Variants in ZNF407 observed in about 807,000 individuals in gnomAD.
ZNF407 encodes zinc finger protein 407.
Under a neutral mutation model 131.2 loss-of-function variants are expected in ZNF407, and 17 were observed. The ratio of observed to expected loss-of-function variants is 0.13; its 90% confidence interval spans 0.09 to 0.19. The LOEUF (loss-of-function observed/expected upper bound fraction) is 0.19, where lower values mean the gene tolerates loss of function less well. Ranked by LOEUF, ZNF407 falls within the 10% of genes least tolerant of loss-of-function variation. ZNF407 has a pLI of 1.00. For synonymous variants in ZNF407, 1,156 were observed against 1,062.0 expected, an observed-to-expected ratio of 1.09 and a Z score of -1.72; for missense variants, 2,681 against 2,830.6, an observed-to-expected ratio of 0.95 and a Z score of 1.20.
intron 3 of ZNF407, among the ~76,000 whole-genome samples, chr18:74,774,959 C>T (rs1052218291): frequency 3.9e-5 from 6 of 152,106 alleles, no homozygotes; most frequent in Non-Finnish European, 7.4e-5. Context: ...CATCCCAAAA[C>T]GTTAGTGGTG....
intron 1 of ZNF407, among the ~76,000 whole-genome samples, chr18:74,608,296 A>G (rs1908581144): frequency 6.6e-6 from 1 of 151,396 alleles, no homozygotes; most frequent in Non-Finnish European, 1.5e-5. Context: ...AGTATCCCAC[A>G]TTGTATTTTG....
At chr18:74,816,418 C>G (rs1270849583) in intron 4 of ZNF407, among the ~76,000 whole-genome samples, 1 of 152,194 alleles carries the variant, frequency 6.6e-6, no homozygotes, top group Non-Finnish European at 1.5e-5. Flanking sequence ...CCTGTCTACT[C>G]TTTATTTGTA....
chr18:75,029,092 A>C (rs1160389830), intron 8 of ZNF407, among the ~76,000 whole-genome samples: 2 of 152,188 alleles, frequency 1.3e-5, no homozygotes, highest in African/African-American at 2.4e-5. Context: ...CCCTTTTCTC[A>C]AAATGCACAT....
intron 8 of ZNF407, among the ~76,000 whole-genome samples, chr18:75,058,312 A>T (rs972776077): frequency 6.6e-6 from 1 of 152,158 alleles, no homozygotes; most frequent in Non-Finnish European, 1.5e-5. Context: ...TTTTTATTCC[A>T]TCCAAGCTGT....
chr18:75,045,705 C>T (rs1366931329), intron 8 of ZNF407, among the ~76,000 whole-genome samples: 1 of 152,134 alleles, frequency 6.6e-6, no homozygotes, highest in Non-Finnish European at 1.5e-5. Context: ...CACCCCGCAC[C>T]CTCTTCTTTT....
intron 7 of ZNF407, among the ~76,000 whole-genome samples, chr18:74,899,718 G>C (rs1422840614): frequency 6.6e-6 from 1 of 152,344 alleles, no homozygotes; most frequent in East Asian, 1.9e-4. Context: ...CTCCAGGAAA[G>C]AGAGGTGTCA....
intron 3 of ZNF407, among the ~76,000 whole-genome samples, chr18:74,669,890 A>C (rs1384539723): frequency 1.3e-5 from 2 of 152,240 alleles, no homozygotes; most frequent in Non-Finnish European, 2.9e-5. Flanking sequence ...TTTGAGGCTC[A>C]AACACAGTTT....
chr18:74,838,639 T>A (rs1970590325), intron 4 of ZNF407, among the ~76,000 whole-genome samples: 1 of 152,218 alleles, frequency 6.6e-6, no homozygotes, highest in Non-Finnish European at 1.5e-5. Flanking sequence ...AAGTTCTCTT[T>A]GCATTGCTTT....
chr18:75,051,735 T>A (rs1414239661), intron 8 of ZNF407, among the ~76,000 whole-genome samples: 1 of 152,178 alleles, frequency 6.6e-6, no homozygotes, highest in Non-Finnish European at 1.5e-5. Context: ...GCTCAAACAT[T>A]GTGTGTCGGG....
rs1190465150 is a variant in ZNF407, at chr18:74,610,297, C to CT, written c.-54+12364dup. ...TAGATGGATTGCCACATTAGCTTTA[C>CT]TTTTAACCATCCCCCATTGTTGGAT... is the stretch of plus-strand genomic sequence containing the variant. On this transcript the variant is annotated intron_variant, in intron 1 of 8. Transcript: ENST00000299687. Among the ~76,000 whole-genome samples the CT allele has an allele frequency of 2.6e-5, 4 of 152,314 alleles. No homozygotes were observed. In the East Asian group the frequency reaches 7.7e-4, roughly 29 times the overall value.
Position 74,816,694 on chromosome 18 carries a change from A to T in ZNF407, c.4877+35192A>T, listed in dbSNP as rs185534978. 1.6e-4 allele frequency among the ~76,000 whole-genome samples: 25 copies of T among 152,348 alleles called. No individual in the cohort carries two copies. The Middle Eastern group carries it at 0.014, about 83-fold the overall frequency. Reference sequence around the variant, plus strand: ...AATTGATATCCATAAAATTCAATACACAAAGTATTATTCTAATAAGTACCT... The same window carrying T: ...AATTGATATCCATAAAATTCAATACTCAAAGTATTATTCTAATAAGTACCT... On this transcript the variant is annotated intron_variant, in intron 4 of 8. Transcript: ENST00000299687.
At chr18:74,744,562 G>A (rs542845749) in intron 3 of ZNF407, among the ~76,000 whole-genome samples, 79 of 152,146 alleles carry the variant, frequency 5.2e-4, no homozygotes, top group African/African-American at 1.8e-3. Flanking sequence ...TTTAGACTTA[G>A]GAGTGATTTT....
intron 7 of ZNF407, among the ~76,000 whole-genome samples, chr18:74,891,883 G>A (rs896609822): frequency 1.3e-5 from 2 of 151,830 alleles, no homozygotes; most frequent in African/African-American, 4.8e-5. Flanking sequence ...TGTTGTTGGC[G>A]GGGGATTTTT....
intron 8 of ZNF407, among the ~76,000 whole-genome samples, chr18:74,937,237 A>G (rs1288053294): frequency 6.6e-6 from 1 of 152,218 alleles, no homozygotes; most frequent in Non-Finnish European, 1.5e-5. Context: ...TAGATAATTG[A>G]CCATATCATA....
Position 74,987,582 on chromosome 18 carries a change from A to G in ZNF407, c.5428+66890A>G, listed in dbSNP as rs2122129236. 2.0e-5 allele frequency among the ~76,000 whole-genome samples: 3 copies of G among 152,276 alleles called. No individual in the cohort carries two copies. In the Middle Eastern group the frequency reaches 0.01, roughly 518 times the overall value. The stretch of plus-strand genomic sequence containing the variant: ...GACAAATAAAATTCTTGAAGAGAGG[A>G]GAATATGATGTGAACTCTGAGGGGT... On this transcript the variant is annotated intron_variant, in intron 8 of 8. Transcript: ENST00000299687.
At chr18:74,934,540 G>A (rs936695445) in intron 8 of ZNF407, among the ~76,000 whole-genome samples, 4 of 152,222 alleles carry the variant, frequency 2.6e-5, no homozygotes, top group African/African-American at 9.6e-5. Context: ...TGGGCATGGT[G>A]GCTCACGCCT....
intron 8 of ZNF407, among the ~76,000 whole-genome samples, chr18:74,959,604 T>C (rs1190561188): frequency 6.6e-6 from 1 of 152,220 alleles, no homozygotes; most frequent in Non-Finnish European, 1.5e-5. Context: ...AATTTTGACA[T>C]CTCTAAACGG....
At chr18:74,680,683 G>A (rs1394907019) in intron 3 of ZNF407, among the ~76,000 whole-genome samples, 4 of 152,000 alleles carry the variant, frequency 2.6e-5, no homozygotes, top group Admixed American at 6.6e-5. Context: ...AGTAGATGTA[G>A]TATTTTTCTT....
chr18:74,704,356 G>T (rs771015927), intron 3 of ZNF407, among the ~76,000 whole-genome samples: 6 of 152,124 alleles, frequency 3.9e-5, no homozygotes, highest in Non-Finnish European at 8.8e-5. Context: ...CACTCAATCA[G>T]GACGTGCTGT....
Sources: gnomAD v4.1 joint callset for allele counts (sites outside exome capture counted in the v4.1 genomes callset) on GRCh38, gnomAD v4.1.1 for gene constraint, MANE v1.5 for transcripts, NCBI Gene and HGNC (gene_info 2026-07-23, HGNC 2026-07-21) for gene names.